The following TSEN2 variants were observed in gnomAD, a reference collection of about 807,000 sequenced individuals.
TSEN2 encodes the protein tRNA-splicing endonuclease subunit Sen2.
TSEN2 carries 54 observed loss-of-function variants against 59.2 expected under a neutral mutation model. The observed-to-expected ratio is 0.91, with a 90% CI of 0.73 to 1.14. TSEN2 has a LOEUF of 1.14. Among genes scored for constraint, TSEN2 ranks in the 50% most tolerant of loss-of-function variants. The probability of loss-of-function intolerance (pLI) is 0.00; values close to 1 mark genes in which losing one functional copy is unlikely to be tolerated. For synonymous variants in TSEN2, 195 were observed against 198.2 expected, an observed-to-expected ratio of 0.98 and a Z score of 0.14; for missense variants, 636 against 576.2, an observed-to-expected ratio of 1.10 and a Z score of -1.06.
rs1269088748 is a variant in TSEN2 at position 12,503,741 on chromosome 3, CG to C, written c.790del (p.Glu264SerfsTer4). The stretch of plus-strand genomic sequence containing the variant: ...CATGAGTACGTGCTGGTCGAGGAAG[CG>C]GAGTGTGCCATGAGCGAGAGGGAGG... ...PDHEYVLVEE[A>X]ECAMSEREAA... On this transcript the variant is annotated frameshift_variant, in exon 5 of 12. Transcript: ENST00000284995. LOFTEE classifies it high-confidence loss of function. The C allele has an allele frequency of 2.5e-5, 41 of 1,613,900 alleles. No individual in the cohort carries two copies. The highest frequency in any genetic ancestry group is 3.4e-5 in the Non-Finnish European group (40 of 1,179,996).
Position 12,503,342 on chromosome 3 carries a change from A to C in TSEN2, c.389A>C (p.Lys130Thr), listed in dbSNP as rs142211875. 1.5e-3 allele frequency: 2,429 copies of C among 1,614,228 alleles called. 59 individuals carry two copies. The South Asian group carries it at 0.025, about 17-fold the overall frequency. The change falls in exon 5 of 12, where the codon AAG becomes ACG. Residue 130 changes from lysine (K) to threonine (T), a missense_variant. Physicochemically the swap from Lys to Thr is moderately conservative, Grantham distance 78. Transcript: ENST00000284995. The stretch of plus-strand genomic sequence containing the variant: ...GAGAGTACAGTGCGCAGAATCCTCA[A>C]GGATTACACGAAACCGCTTGAGCAT... ...QDESTVRRIL[K>T]DYTKPLEHPP...
chr3:12,524,221 A>T (rs942120860), intron 8 of TSEN2, among the ~76,000 whole-genome samples: 1 of 152,206 alleles, frequency 6.6e-6, no homozygotes, highest in African/African-American at 2.4e-5. Context: ...GTGAGCCACC[A>T]TGCAGGCCCC....
intron 1 of TSEN2, among the ~76,000 whole-genome samples, chr3:12,486,158 A>C (rs774992896): frequency 1.3e-5 from 2 of 152,168 alleles, no homozygotes; most frequent in Non-Finnish European, 2.9e-5. Flanking sequence ...TAGTACCCAC[A>C]TGTGCAGCAC....
intron 8 of TSEN2, among the ~76,000 whole-genome samples, chr3:12,521,428 A>G (rs1345424279): frequency 1.3e-5 from 2 of 152,202 alleles, no homozygotes; most frequent in African/African-American, 2.4e-5. Flanking sequence ...AAAGATTCAG[A>G]TATCTGCTGG....
downstream of TSEN2, among the ~76,000 whole-genome samples, chr3:12,537,472 A>G (rs1392534220): frequency 3.3e-5 from 5 of 152,166 alleles, no homozygotes; most frequent in Admixed American, 2.6e-4. Context: ...GGCATTTCTT[A>G]TATTATTTAT....
intron 8 of TSEN2, among the ~76,000 whole-genome samples, chr3:12,521,200 C>T (rs1010273933): frequency 1.3e-5 from 2 of 152,172 alleles, no homozygotes; most frequent in African/African-American, 4.8e-5. Flanking sequence ...GTTCCTCATT[C>T]AGCAGATAAT....
intron 6 of TSEN2, among the ~76,000 whole-genome samples, chr3:12,515,310 C>G (rs540247460): frequency 6.6e-6 from 1 of 152,228 alleles, no homozygotes; most frequent in Non-Finnish European, 1.5e-5. Context: ...TTTGTCAGTG[C>G]GTTGTTGCTG....
At chr3:12,502,525 G>T (rs1296586685) in intron 4 of TSEN2, among the ~76,000 whole-genome samples, 3 of 151,762 alleles carry the variant, frequency 2.0e-5, no homozygotes, top group African/African-American at 4.8e-5. Context: ...GACAGAGCAA[G>T]ACTCCATCTC....
chr3:12,485,611 G>A (rs2052537638), intron 1 of TSEN2, among the ~76,000 whole-genome samples: 1 of 152,230 alleles, frequency 6.6e-6, no homozygotes, highest in Admixed American at 6.5e-5. Flanking sequence ...AAATTCTGAT[G>A]TAATTGATTG....
intron 10 of TSEN2, 187 bp from the exon 11 acceptor site, chr3:12,531,383 G>T (rs1009002231): frequency 5.1e-6 from 3 of 590,994 alleles, no homozygotes; most frequent in African/African-American, 3.7e-5. Context: ...ATTACTAAAC[G>T]GCAGGTACTT....
At chr3:12,509,207 G>GTT (rs11435305) in intron 6 of TSEN2, among the ~76,000 whole-genome samples, 157 of 143,976 alleles carry the variant, frequency 1.1e-3, no homozygotes, top group African/African-American at 2.4e-3. Flanking sequence ...TTTTGTTGTT[G>GTT]TTTTTTTTTT....
chr3:12,485,658 A>G (rs1026632526), intron 1 of TSEN2, among the ~76,000 whole-genome samples: 1 of 152,194 alleles, frequency 6.6e-6, no homozygotes, highest in Non-Finnish European at 1.5e-5. Context: ...AAGGGTAGGT[A>G]AGCTTGAGGG....
chr3:12,536,126 G>A (rs2057668530), downstream of TSEN2, among the ~76,000 whole-genome samples: 1 of 152,196 alleles, frequency 6.6e-6, no homozygotes, highest in Non-Finnish European at 1.5e-5. Flanking sequence ...TGAGTCAGTG[G>A]AGGAGAAGAA....
At chr3:12,530,215 C>G (rs2057375174) in intron 10 of TSEN2, 1 of 1,080,092 alleles carries the variant, frequency 9.3e-7, no homozygotes, top group African/African-American at 1.7e-5. Flanking sequence ...ATTTAACATT[C>G]ACTCATACAC....
intron 7 of TSEN2, among the ~76,000 whole-genome samples, chr3:12,518,698 TTCTC>T (rs1343622719): frequency 2.3e-5 from 3 of 133,002 alleles, no homozygotes; most frequent in Admixed American, 7.7e-5. Context: ...ATAGTTTATA[TTCTC>T]TCTTTTTTTT....
chr3:12,523,644 A>G (rs1157793585), intron 8 of TSEN2, among the ~76,000 whole-genome samples: 2 of 147,048 alleles, frequency 1.4e-5, no homozygotes, highest in Non-Finnish European at 3.0e-5. Flanking sequence ...GGTTCAAACC[A>G]TTCTCCTGCC....
intron 7 of TSEN2, among the ~76,000 whole-genome samples, chr3:12,518,205 A>G (rs2056318515): frequency 6.6e-6 from 1 of 152,248 alleles, no homozygotes; most frequent in Admixed American, 6.5e-5. Flanking sequence ...TAAGCAGTTA[A>G]TTATTAGTTT....
At chr3:12,503,892 C>T (rs1353893163) in intron 5 of TSEN2, 108 bp downstream of exon 5, 1 of 1,422,658 alleles carries the variant, frequency 7.0e-7, no homozygotes, top group Non-Finnish European at 9.5e-7. Flanking sequence ...GTTGTAGGGT[C>T]CAAGGGAAGC....
In TSEN2 at chr3:12,532,845, G is replaced by C; in HGVS notation, c.*124G>C. 1 of 871,460 alleles carries C rather than the reference G, an allele frequency of 1.1e-6. No homozygotes were observed. 54.0% of individuals were successfully genotyped at this position (871,460 alleles called of 1,614,324 possible). ...AAAGGGCATGGTGCTCCCAGCACCA[G>C]AAAACTATCAGTGTTTTTAAAGATA... On this transcript the variant is annotated 3_prime_UTR_variant, in exon 12 of 12. Coordinates refer to ENST00000284995, the MANE Select transcript of TSEN2 (RefSeq NM_025265.4).
Sources: allele counts gnomAD v4.1 joint callset (sites outside exome capture counted in the v4.1 genomes callset), GRCh38; gene constraint gnomAD v4.1.1; transcripts MANE v1.5; gene names NCBI Gene and HGNC (gene_info 2026-07-23, HGNC 2026-07-21).